Variants in EYS observed in about 807,000 individuals in gnomAD.
The protein encoded by EYS is EGF-like photoreceptor maintenance factor.
Under a neutral mutation model 282.1 loss-of-function variants are expected in EYS, and 250 were observed. The observed-to-expected ratio is 0.89, with a 90% CI of 0.80 to 0.98. The LOEUF is 0.98. EYS is among the 50% of genes least tolerant of loss of function. The pLI is 0.00. For missense variants in EYS, 4,016 were observed against 3,709.0 expected, an observed-to-expected ratio of 1.08 and a Z score of -2.15; for synonymous variants, 1,355 against 1,282.9, an observed-to-expected ratio of 1.06 and a Z score of -1.20.
chr6:63,723,651 T>C (rs1465113392), intron 42 of EYS, among the ~76,000 whole-genome samples: 7 of 151,596 alleles, frequency 4.6e-5, no homozygotes, highest in South Asian at 2.1e-4. Context: ...TAGTATGTTC[T>C]TACGAAAAAT....
chr6:65,179,107 C>G (rs1219140460), intron 12 of EYS, among the ~76,000 whole-genome samples: 7 of 151,988 alleles, frequency 4.6e-5, no homozygotes, highest in Non-Finnish European at 7.4e-5. Context: ...CAAGAGAAAG[C>G]AGGAAAGATC....
chr6:63,879,817 G>C (rs910708194), intron 35 of EYS, among the ~76,000 whole-genome samples: 9 of 152,056 alleles, frequency 5.9e-5, no homozygotes, highest in African/African-American at 2.2e-4. Flanking sequence ...GAAGCATCTG[G>C]GGTGACTGCC....
intron 22 of EYS, among the ~76,000 whole-genome samples, chr6:64,803,202 G>A (rs1020078844): frequency 6.6e-6 from 1 of 152,176 alleles, no homozygotes; most frequent in African/African-American, 2.4e-5. Context: ...AGGAGACCCA[G>A]AGTGGGTAGC....
rs1764933808 is a variant in EYS at position 65,366,900 on chromosome 6, G to C, written c.1300-13283C>G. 2.6e-5 allele frequency among the ~76,000 whole-genome samples: 4 copies of C among 151,598 alleles called. No homozygotes were observed. In the South Asian group the frequency reaches 8.3e-4, roughly 31 times the overall value. Reference sequence around the variant, plus strand: ...TTTAAAAAATAACACTCCAATCTCTGCTTTGTTATCATATCACCTTCTCTG... The same window carrying C: ...TTTAAAAAATAACACTCCAATCTCTCCTTTGTTATCATATCACCTTCTCTG... On this transcript the variant is annotated intron_variant, in intron 8 of 42. Coordinates refer to ENST00000503581, the MANE Select transcript of EYS (RefSeq NM_001142800.2).
intron 1 of EYS, among the ~76,000 whole-genome samples, chr6:65,646,308 A>T (rs1347059676): frequency 2.0e-5 from 3 of 152,192 alleles, no homozygotes; most frequent in Non-Finnish European, 4.4e-5. Context: ...GCAACATCAT[A>T]TTAAAAAGAT....
chr6:63,770,181 A>G (rs1465766797), intron 40 of EYS, among the ~76,000 whole-genome samples: 3 of 152,080 alleles, frequency 2.0e-5, no homozygotes, highest in Non-Finnish European at 4.4e-5. Flanking sequence ...TTTAATCACC[A>G]TATAAAACCT....
At chr6:65,366,332 A>G (rs925111452) in intron 8 of EYS, among the ~76,000 whole-genome samples, 18 of 151,842 alleles carry the variant, frequency 1.2e-4, no homozygotes, top group African/African-American at 4.3e-4. Context: ...AATGAAAGTT[A>G]AATCCATTTG....
At chr6:64,393,080 G>C (rs1008857760) in intron 28 of EYS, among the ~76,000 whole-genome samples, 3 of 152,130 alleles carry the variant, frequency 2.0e-5, no homozygotes, top group South Asian at 2.1e-4. Flanking sequence ...GACTAAACCA[G>C]GAAGAAGTTG....
chr6:65,352,212 G>A (rs1042410222), intron 9 of EYS, among the ~76,000 whole-genome samples: 1 of 151,712 alleles, frequency 6.6e-6, no homozygotes, highest in African/African-American at 2.4e-5. Flanking sequence ...CTGTTTAAAA[G>A]GCTAATTGTT....
At position 63,969,581 on chromosome 6, in the gene EYS, G is replaced by A. The variant is rs546451505; in HGVS notation, c.7055+14802C>T. ...TATTAGGACTTATTTTGTTCTCTGA[G>A]TACATATCATTAGGATAAAAATAAA... On this transcript the variant is annotated intron_variant, in intron 35 of 42. Coordinates refer to ENST00000503581, the MANE Select transcript of EYS (RefSeq NM_001142800.2). Among the ~76,000 whole-genome samples the A allele has an allele frequency of 7.9e-5, 12 of 152,292 alleles. No homozygotes were observed. In the South Asian group the frequency reaches 2.5e-3, roughly 32 times the overall value.
At chr6:64,347,945 C>A (rs967369688) in intron 29 of EYS, among the ~76,000 whole-genome samples, 1 of 151,240 alleles carries the variant, frequency 6.6e-6, no homozygotes, top group African/African-American at 2.4e-5. Context: ...GATGAAGATA[C>A]ACATTTTTGT....
intron 2 of EYS, among the ~76,000 whole-genome samples, chr6:65,577,476 G>GA (rs1764713640): frequency 1.3e-5 from 2 of 151,642 alleles, no homozygotes; most frequent in African/African-American, 2.4e-5. Flanking sequence ...CAACTACTAG[G>GA]AAAAAACACA....
At chr6:64,895,235 G>T (rs931521846) in intron 18 of EYS, among the ~76,000 whole-genome samples, 1 of 152,140 alleles carries the variant, frequency 6.6e-6, no homozygotes, top group Non-Finnish European at 1.5e-5. Flanking sequence ...CAATTCTAAA[G>T]GTTGGATCTC....
intron 12 of EYS, among the ~76,000 whole-genome samples, chr6:65,058,880 C>T (rs1019672909): frequency 1.3e-5 from 2 of 151,940 alleles, no homozygotes; most frequent in Non-Finnish European, 2.9e-5. Flanking sequence ...TGACACAATG[C>T]AAATTATTAG....
chr6:64,070,405 CT>C (rs1771531421), intron 32 of EYS, among the ~76,000 whole-genome samples: 2 of 151,944 alleles, frequency 1.3e-5, no homozygotes. Flanking sequence ...TGTTAGAAAG[CT>C]CTCAAGTTTG....
intron 33 of EYS, among the ~76,000 whole-genome samples, chr6:64,018,530 G>A (rs913368665): frequency 1.3e-5 from 2 of 152,088 alleles, no homozygotes; most frequent in South Asian, 4.1e-4. Flanking sequence ...TTTTTGTGGT[G>A]TCTCAATTGA....
intron 22 of EYS, among the ~76,000 whole-genome samples, chr6:64,639,716 G>A (rs1486336106): frequency 1.1e-5 from 1 of 90,728 alleles, no homozygotes; most frequent in African/African-American, 4.2e-5. Flanking sequence ...TTGACAAATG[G>A]GATCTCATTA....
intron 13 of EYS, among the ~76,000 whole-genome samples, chr6:65,007,035 A>G (rs1229362721): frequency 6.6e-6 from 1 of 152,216 alleles, no homozygotes; most frequent in Non-Finnish European, 1.5e-5. Flanking sequence ...CTGAGTGCAA[A>G]GGCAATGTTA....
chr6:64,628,832 C>T (rs939578230), intron 22 of EYS, among the ~76,000 whole-genome samples: 6 of 151,888 alleles, frequency 4.0e-5, no homozygotes, highest in Admixed American at 6.6e-5. Flanking sequence ...TTGTATTTTG[C>T]GATAATTTTA....
Sources: allele counts gnomAD v4.1 joint callset (sites outside exome capture counted in the v4.1 genomes callset), GRCh38; gene constraint gnomAD v4.1.1; transcripts MANE v1.5; gene names NCBI Gene and HGNC (gene_info 2026-07-23, HGNC 2026-07-21).